Variants in EPS15L1 observed in about 807,000 individuals in gnomAD.
The protein encoded by EPS15L1 is epidermal growth factor receptor substrate 15-like 1.
EPS15L1 carries 43 observed loss-of-function variants against 117.1 expected under a neutral mutation model. The observed-to-expected ratio is 0.37, with a 90% confidence interval of 0.29 to 0.47. EPS15L1 has a LOEUF of 0.47. Among genes scored for constraint, EPS15L1 ranks in the 20% least tolerant of loss-of-function variants. The pLI is 0.99. For synonymous variants in EPS15L1, 459 were observed against 470.5 expected (o/e 0.98, Z 0.32); for missense variants, 981 against 1,164.0 (o/e 0.84, Z 2.29).
intron 10 of EPS15L1, among the ~76,000 whole-genome samples, chr19:16,419,665 G>A (rs75514738): frequency 0.012 from 1,795 of 152,342 alleles, 36 homozygotes; most frequent in African/African-American, 0.041. Context: ...AGCTGGGACC[G>A]TTCTAACAGA....
chr19:16,394,943 G>T (rs1340767048), intron 17 of EPS15L1, among the ~76,000 whole-genome samples: 1 of 152,066 alleles, frequency 6.6e-6, no homozygotes, highest in African/African-American at 2.4e-5. Flanking sequence ...GTTCCTGCTG[G>T]GTGCGGTGCC....
chr19:16,401,677 G>C, intron 16 of EPS15L1: 1 of 985,444 alleles, frequency 1.0e-6, no homozygotes, highest in Non-Finnish European at 1.2e-6. Context: ...TGGTATCAGG[G>C]GCTCAAGAGC....
chr19:16,434,949 T>C lies in EPS15L1; in HGVS notation c.373-459A>G, dbSNP rs544173493. 966 of 153,364 alleles carry C rather than the reference T, an allele frequency of 6.3e-3. 2 individuals are homozygous for C. The highest frequency in any genetic ancestry group is 0.01 in the Middle Eastern group (3 of 294). The allele number at this position is 153,364 out of a possible 1,614,324, so 9.5% of individuals were successfully genotyped here. ...CAGGAAGTCCTCTTTTTTTTTTTTT[T>C]TTTCTTTTTTTGAGACAAAAATCTT... On this transcript the variant is annotated intron_variant, in intron 6 of 23. Transcript: ENST00000455140.
At chr19:16,387,055 G>A (rs1264940086) in intron 19 of EPS15L1, among the ~76,000 whole-genome samples, 1 of 152,218 alleles carries the variant, frequency 6.6e-6, no homozygotes, top group Non-Finnish European at 1.5e-5. Context: ...GTGGAACTCT[G>A]AGACAGGGAC....
chr19:16,405,656 G>A lies in EPS15L1; in HGVS notation c.1267-907C>T, dbSNP rs2092648779. 6.6e-6 allele frequency among the ~76,000 whole-genome samples: 1 copy of A among 152,220 alleles called. No individual in the cohort carries two copies. The highest frequency in any genetic ancestry group is 6.5e-5 in the Admixed American group (1 of 15,292). On this transcript the variant is annotated intron_variant, in intron 13 of 23. Transcript: ENST00000455140. This position sits in a 1 kb window ranked among gnomAD's most constrained non-coding sequence, Gnocchi z 4.0. ...TGGCCATGGAACGGGATGGCGCCGT[G>A]TGCTTTGCCTTACAGTGGGACATGA...
intron 19 of EPS15L1, among the ~76,000 whole-genome samples, chr19:16,387,965 G>A (rs574821967): frequency 6.6e-6 from 1 of 152,252 alleles, no homozygotes; most frequent in East Asian, 1.9e-4. Context: ...CCATGTAACT[G>A]GAATCCCAGA....
chr19:16,400,372 C>CAAA (rs2092588276), intron 16 of EPS15L1, among the ~76,000 whole-genome samples: 1 of 146,202 alleles, frequency 6.8e-6, no homozygotes, highest in Admixed American at 7.1e-5. Flanking sequence ...AAAAAAAAAA[C>CAAA]CCCTGACTTT....
At chr19:16,432,824 C>A (rs1293157661) in intron 7 of EPS15L1, among the ~76,000 whole-genome samples, 1 of 152,010 alleles carries the variant, frequency 6.6e-6, no homozygotes, top group Non-Finnish European at 1.5e-5. Context: ...TTTTTTTAAA[C>A]AGAGTCTCAA....
intron 1 of EPS15L1, among the ~76,000 whole-genome samples, chr19:16,455,793 C>T (rs1384122782): frequency 1.3e-5 from 2 of 152,188 alleles, no homozygotes; most frequent in Admixed American, 6.6e-5. Context: ...TTCCTGGTAT[C>T]CTCCTCATCG....
At chr19:16,359,506 C>T (rs901746519) in intron 23 of EPS15L1, among the ~76,000 whole-genome samples, 6 of 152,180 alleles carry the variant, frequency 3.9e-5, no homozygotes, top group Non-Finnish European at 8.8e-5. Context: ...GGCTGAAGTA[C>T]ACTATCTGAT....
intron 16 of EPS15L1, chr19:16,400,815 G>C: frequency 2.0e-6 from 2 of 985,386 alleles, no homozygotes; most frequent in Non-Finnish European, 2.4e-6. Context: ...CTTTGGAGTT[G>C]GGGGAATCAC....
intron 6 of EPS15L1, among the ~76,000 whole-genome samples, chr19:16,435,945 A>G (rs1259475201): frequency 6.6e-6 from 1 of 152,202 alleles, no homozygotes; most frequent in African/African-American, 2.4e-5. Context: ...ATTTTAAAGT[A>G]TAAGATCTCT....
In EPS15L1 at chr19:16,381,207, A is replaced by AG. The variant is rs2092358542; in HGVS notation, c.2247+3921dup. Among the ~76,000 whole-genome samples the AG allele has an allele frequency of 6.6e-6, 1 of 152,270 alleles. No individual in the cohort carries two copies. Among genetic ancestry groups the AG allele is most frequent in the Non-Finnish European group, 1.5e-5 (1 of 68,048 alleles). ...CTAATAATAGGCCCAGTGACCTGGC[A>AG]GGGGGTCCCACTGTCAGCACCTCTG... On this transcript the variant is annotated intron_variant, in intron 21 of 23. Coordinates refer to ENST00000455140, the MANE Select transcript of EPS15L1 (RefSeq NM_001258374.3). This position sits in a 1 kb window ranked among gnomAD's most constrained non-coding sequence, Gnocchi z 4.2.
rs2092643939 is a variant in EPS15L1 at position 16,405,182 on chromosome 19, G to A, written c.1267-433C>T. On this transcript the variant is annotated intron_variant, in intron 13 of 23. Transcript: ENST00000455140. This position sits in a 1 kb window ranked among gnomAD's most constrained non-coding sequence, Gnocchi z 4.0. ...GCCCACAAAAGCAGCATTTAGGATG[G>A]GGCCAACAGGTGAGCAGGTGCCAGG... 6.6e-6 allele frequency among the ~76,000 whole-genome samples: 1 copy of A among 152,206 alleles called. No homozygotes were observed. The highest frequency in any genetic ancestry group is 1.5e-5 in the Non-Finnish European group (1 of 68,032).
In EPS15L1 at chr19:16,398,945, G is replaced by A. The variant is rs910033489; in HGVS notation, c.1791+3376C>T. Among the ~76,000 whole-genome samples, 4 of 151,682 alleles carry A rather than the reference G, an allele frequency of 2.6e-5. No homozygotes were observed. The East Asian group carries it at 7.7e-4, about 29-fold the overall frequency. On this transcript the variant is annotated intron_variant, in intron 16 of 23. Transcript: ENST00000455140. ...CAAGTAGCTGGGACTACAGGCACTC[G>A]CCACCATGCCTGGCTCTATTTAGTT...
chr19:16,417,924 C>A, intron 11 of EPS15L1, 24 bp downstream of exon 11: 1 of 1,604,632 alleles, frequency 6.2e-7, no homozygotes, highest in Non-Finnish European at 8.5e-7. Context: ...TCAATACCCC[C>A]AGGGCATGAC....
rs540528487 is a variant in EPS15L1, at chr19:16,424,336, C to G, written c.792+747G>C. Among the ~76,000 whole-genome samples the G allele has an allele frequency of 2.6e-5, 4 of 152,242 alleles. No homozygotes were observed. The South Asian group carries it at 8.3e-4, about 32-fold the overall frequency. ...GGAGCTATACCCTCCCACCCCACCC[C>G]ACCAGGGGCCACTGGTAAAATCGGT... On this transcript the variant is annotated intron_variant, in intron 9 of 23. Coordinates refer to ENST00000455140, the MANE Select transcript of EPS15L1 (RefSeq NM_001258374.3).
chr19:16,372,725 G>A (rs191012263), intron 22 of EPS15L1, among the ~76,000 whole-genome samples: 31 of 152,366 alleles, frequency 2.0e-4, no homozygotes, highest in Non-Finnish European at 3.1e-4. Context: ...CATACAGCAC[G>A]TCACCGTGCA....
At chr19:16,380,477 G>T (rs1192644797) in intron 21 of EPS15L1, among the ~76,000 whole-genome samples, 1 of 152,050 alleles carries the variant, frequency 6.6e-6, no homozygotes, top group Non-Finnish European at 1.5e-5. Context: ...TAGTCACACA[G>T]ACATGGCCCT....
Sources: allele counts gnomAD v4.1 joint callset (sites outside exome capture counted in the v4.1 genomes callset), GRCh38; gene constraint gnomAD v4.1.1; non-coding constraint Gnocchi (gnomAD v3.1); transcripts MANE v1.5; gene names NCBI Gene and HGNC (gene_info 2026-07-23, HGNC 2026-07-21).